The following APPBP2 variants were observed in gnomAD, a reference collection of about 807,000 sequenced individuals.
APPBP2 encodes the protein amyloid beta precursor protein binding protein 2, also known as amyloid protein-binding protein 2.
In APPBP2, 15 loss-of-function variants were observed where a neutral mutation model predicts 76.0. That is an observed-to-expected ratio of 0.20 (90% confidence interval 0.13 to 0.30). The LOEUF (loss-of-function observed/expected upper bound fraction) is 0.30. Ranked by LOEUF, APPBP2 falls within the 10% of genes least tolerant of loss-of-function variation. The probability of loss-of-function intolerance (pLI) is 1.00; values close to 1 mark genes in which losing one functional copy is unlikely to be tolerated. For missense variants in APPBP2, 401 were observed against 687.2 expected, an observed-to-expected ratio of 0.58 and a Z score of 4.66; for synonymous variants, 222 against 242.2, an observed-to-expected ratio of 0.92 and a Z score of 0.77.
At chr17:60,459,002 A>G (rs184594889) in intron 9 of APPBP2, among the ~76,000 whole-genome samples, 45 of 151,996 alleles carry the variant, frequency 3.0e-4, no homozygotes, top group Non-Finnish European at 1.8e-4. Context: ...CCATCTCCTG[A>G]CCTCGTGATC....
At chr17:60,461,720 T>C (rs538226373) in intron 8 of APPBP2, 90 bp downstream of exon 8, 161 of 924,488 alleles carry the variant, frequency 1.7e-4, no homozygotes, top group Non-Finnish European at 2.6e-4. Flanking sequence ...TGTCAAAAAG[T>C]CATTTTTAGA....
chr17:60,467,270 A>G (rs1024708823), intron 4 of APPBP2, among the ~76,000 whole-genome samples: 2 of 152,234 alleles, frequency 1.3e-5, no homozygotes, highest in African/African-American at 4.8e-5. Context: ...GCTATTTAAA[A>G]GAAAAACAAG....
At chr17:60,484,234 CT>C (rs1195341331) in intron 3 of APPBP2, among the ~76,000 whole-genome samples, 1 of 152,082 alleles carries the variant, frequency 6.6e-6, no homozygotes, top group East Asian at 1.9e-4. Context: ...TCCATATGAA[CT>C]TTAGAGTAGT....
rs749107575 is a variant in APPBP2 at position 60,451,889 on chromosome 17, T to G, written c.1495A>C (p.Ile499Leu). 6.2e-7 allele frequency: 1 copy of G among 1,607,254 alleles called. No homozygotes were observed. Among genetic ancestry groups the G allele is most frequent in the African/African-American group, 1.3e-5 (1 of 74,362 alleles). The change falls in exon 12 of 13, where the codon ATA becomes CTA. Residue 499 changes from isoleucine (I) to leucine (L), a missense_variant. Ile to Leu is a conservative substitution (Grantham distance 5). Around this residue, in one of 5 missense-constraint regions of APPBP2, gnomAD observed 130 missense variants for 322.7 expected, o/e 0.40. Coordinates refer to ENST00000083182, the MANE Select transcript of APPBP2 (RefSeq NM_006380.5). ...ENAEKLYLRS[I>L]AIGKKLFGEG... ...TTTAAATGTAACATACCAATTGCTA[T>G]AGATCGCAAATAAAGTTTCTCAGCA...
chr17:60,448,057 T>C (rs1421330045), intron 12 of APPBP2, among the ~76,000 whole-genome samples: 1 of 152,200 alleles, frequency 6.6e-6, no homozygotes, highest in Admixed American at 6.5e-5. Context: ...GAAGTTGGCC[T>C]CATTAGAATA....
intron 3 of APPBP2, among the ~76,000 whole-genome samples, chr17:60,486,295 G>A (rs1407361022): frequency 6.6e-6 from 1 of 152,048 alleles, no homozygotes; most frequent in Admixed American, 6.6e-5. Context: ...TTGACAGTGG[G>A]GTGTTAAAGT....
intron 1 of APPBP2, among the ~76,000 whole-genome samples, chr17:60,510,666 T>C (rs1443656613): frequency 6.6e-6 from 1 of 152,044 alleles, no homozygotes; most frequent in Non-Finnish European, 1.5e-5. Flanking sequence ...CAGTGAGCCA[T>C]AATTGCTCCA....
At chr17:60,519,178 G>C (rs2090988573) in intron 1 of APPBP2, among the ~76,000 whole-genome samples, 1 of 151,986 alleles carries the variant, frequency 6.6e-6, no homozygotes, top group Non-Finnish European at 1.5e-5. Flanking sequence ...GCCCAGGCTG[G>C]TCTCAAACTC....
chr17:60,494,706 A>G (rs752410410), intron 2 of APPBP2, 89 bp from the exon 3 acceptor site: 10 of 1,157,994 alleles, frequency 8.6e-6, no homozygotes, highest in South Asian at 6.7e-5. Context: ...AAATAATAGC[A>G]CCATTATTTT....
At chr17:60,520,734 C>T (rs1166895036) in intron 1 of APPBP2, among the ~76,000 whole-genome samples, 2 of 152,018 alleles carry the variant, frequency 1.3e-5, no homozygotes, top group African/African-American at 4.8e-5. Flanking sequence ...AAACTTCATT[C>T]ATTTTTTTAA....
chr17:60,505,692 T>G (rs542652565), intron 1 of APPBP2, among the ~76,000 whole-genome samples: 1,944 of 142,312 alleles, frequency 0.014, 78 homozygotes, highest in African/African-American at 0.049. Context: ...TTTTTTTTTT[T>G]TTTTTTTTTT....
At chr17:60,455,648 G>A (rs2090425708) in intron 10 of APPBP2, among the ~76,000 whole-genome samples, 1 of 152,182 alleles carries the variant, frequency 6.6e-6, no homozygotes, top group African/African-American at 2.4e-5. Flanking sequence ...CAAAGCTGAA[G>A]TTATGAAACC....
At chr17:60,507,110 CGGTT>C (rs920541979) in intron 1 of APPBP2, among the ~76,000 whole-genome samples, 1 of 152,144 alleles carries the variant, frequency 6.6e-6, no homozygotes, top group Admixed American at 6.6e-5. Flanking sequence ...GCTTGTTACA[CGGTT>C]ATATTGCATA....
At chr17:60,460,411 A>C (rs2090468264) in intron 9 of APPBP2, 1 of 224,464 alleles carries the variant, frequency 4.5e-6, no homozygotes, top group Non-Finnish European at 8.6e-6. Context: ...TCTTGGGCTC[A>C]AGCAATCTTT....
chr17:60,472,009 C>G (rs1266047178), intron 4 of APPBP2, among the ~76,000 whole-genome samples: 1 of 152,076 alleles, frequency 6.6e-6, no homozygotes. Context: ...GCCTGTAATC[C>G]CAGCTACTTG....
intron 3 of APPBP2, among the ~76,000 whole-genome samples, chr17:60,486,064 C>T (rs573794835): frequency 6.6e-6 from 1 of 152,238 alleles, no homozygotes; most frequent in South Asian, 2.1e-4. Context: ...GTCTGAGAGA[C>T]AGTTTGTTGT....
intron 3 of APPBP2, among the ~76,000 whole-genome samples, chr17:60,482,788 T>C (rs542028161): frequency 6.6e-6 from 1 of 152,350 alleles, no homozygotes; most frequent in East Asian, 1.9e-4. Context: ...CTGCATAGTA[T>C]TCCATGGTGT....
At chr17:60,515,764 T>C (rs771110171) in intron 1 of APPBP2, among the ~76,000 whole-genome samples, 11 of 152,246 alleles carry the variant, frequency 7.2e-5, no homozygotes, top group Non-Finnish European at 1.6e-4. Flanking sequence ...CAATGCGCTA[T>C]ACCAACTACT....
chr17:60,468,520 T>G (rs1373298843), intron 4 of APPBP2: 1 of 152,222 alleles, frequency 6.6e-6, no homozygotes, highest in African/African-American at 2.4e-5. Flanking sequence ...TCTGTGGAAA[T>G]TATTTAGTAA....
Sources: gnomAD v4.1 joint callset for allele counts (sites outside exome capture counted in the v4.1 genomes callset) on GRCh38, gnomAD v4.1.1 for gene constraint, gnomAD v4.1.1 regional missense constraint, MANE v1.5 for transcripts, NCBI Gene and HGNC (gene_info 2026-07-23, HGNC 2026-07-21) for gene names.